GLTPD2: variants seen among roughly 807,000 people sequenced by gnomAD.
GLTPD2 encodes glycolipid transfer protein domain containing 2.
In GLTPD2, 12 loss-of-function variants were observed where a neutral mutation model predicts 12.9. That is an observed-to-expected ratio of 0.93 (90% confidence interval 0.59 to 1.50). The LOEUF (loss-of-function observed/expected upper bound fraction) is 1.50, where lower values mean the gene tolerates loss of function less well. Among genes scored for constraint, GLTPD2 ranks in the 40% most tolerant of loss-of-function variants. The pLI, the probability that GLTPD2 is intolerant of heterozygous loss-of-function variation, is 0.00. For missense variants in GLTPD2, 450 were observed against 426.2 expected (o/e 1.06, Z -0.49); for synonymous variants, 199 against 205.6 (o/e 0.97, Z 0.27).
Position 4,789,967 on chromosome 17 carries a change from C to G in GLTPD2, c.547C>G (p.Leu183Val). 2.6e-6 allele frequency: 4 copies of G among 1,533,370 alleles called. No individual in the cohort carries two copies. The highest frequency in any genetic ancestry group is 2.5e-5 in the East Asian group (1 of 40,360). The allele number at this position is 1,533,370 out of a possible 1,614,324, so 95.0% of individuals were successfully genotyped here. Residue 183 changes from leucine (L) to valine (V), a missense_variant, in exon 4 of 4, where the codon CTG (leucine) becomes GTG (valine). Leu to Val is a conservative substitution (Grantham distance 32, BLOSUM62 1). Transcript: ENST00000331264. ...GACCCGGAGCTCGGGCTCTCGCACG[C>G]TGCTCCTGCTGCACCGCGCGCTGCG... ...DPTRSSGSRT[L>V]LLLHRALRWS...
At position 4,789,286 on chromosome 17, in the gene GLTPD2, T is replaced by TC. The variant is rs1289570299; in HGVS notation, c.169dup (p.Gln57ProfsTer71). ...TGCGTTCCAGGGGAAACGGCGCCCT[T>TC]CCAGGTACGCTAGGCGCAGGATTGG... On this transcript the variant is annotated frameshift_variant, in exon 2 of 4. Coordinates refer to ENST00000331264, the MANE Select transcript of GLTPD2 (RefSeq NM_001014985.3). LOFTEE classifies it high-confidence loss of function. 1.3e-6 allele frequency: 2 copies of TC among 1,586,820 alleles called. No individual in the cohort carries two copies. Among genetic ancestry groups the TC allele is most frequent in the African/African-American group, 1.4e-5 (1 of 73,754 alleles).
intron 2 of GLTPD2, 88 bp downstream of exon 2, chr17:4,789,378 C>A: frequency 2.0e-6 from 3 of 1,507,848 alleles, no homozygotes; most frequent in Non-Finnish European, 2.7e-6. Context: ...CGGCAAAGGG[C>A]GGGTCCTCCC....
chr17:4,789,539 C>T lies in GLTPD2; in HGVS notation c.200C>T (p.Ala67Val). The change falls in exon 3 of 4, where the codon GCC becomes GTC. Residue 67 changes from alanine (A) to valine (V), a missense_variant. Physicochemically the swap from Ala to Val is moderately conservative, Grantham distance 64. Transcript: ENST00000331264. The stretch of plus-strand genomic sequence containing the variant: ...CGGCAGGAGTCGGGAACCCTGGAGG[C>T]CCCGGAGAGGAAACAGCCTCCGTGT... ...QVRQESGTLEAPERKQPPCLG... is the reference protein window; with the variant it reads ...QVRQESGTLEVPERKQPPCLG... The T allele has an allele frequency of 6.2e-7, 1 of 1,613,970 alleles. No homozygotes were observed. Among genetic ancestry groups the T allele is most frequent in the Non-Finnish European group, 8.5e-7 (1 of 1,179,890 alleles).
chr17:4,790,491 G>A lies in GLTPD2; in HGVS notation c.*195G>A. The stretch of plus-strand genomic sequence containing the variant: ...TGTCCGCAGTCTCGGAAAGACGGGA[G>A]GAGCTGTGAGGAATAAAAAAGCAAT... On this transcript the variant is annotated 3_prime_UTR_variant, in exon 4 of 4. Coordinates refer to ENST00000331264, the MANE Select transcript of GLTPD2 (RefSeq NM_001014985.3). 3 of 424,646 alleles carry A rather than the reference G, an allele frequency of 7.1e-6. No homozygotes were observed. Among genetic ancestry groups the A allele is most frequent in the African/African-American group, 4.1e-5 (2 of 48,402 alleles). The allele number at this position is 424,646 out of a possible 1,614,324, so 26.3% of individuals were successfully genotyped here.
chr17:4,789,406 G>T, intron 2 of GLTPD2, 105 bp from the exon 3 acceptor site: 1 of 1,514,426 alleles, frequency 6.6e-7, no homozygotes, highest in Non-Finnish European at 9.0e-7. Context: ...ACCCTCTCCC[G>T]TCGGAAGCTG....
chr17:4,789,390 C>G (rs991463768), intron 2 of GLTPD2, 100 bp downstream of exon 2: 46 of 1,501,456 alleles, frequency 3.1e-5, no homozygotes, highest in Non-Finnish European at 3.3e-5. Flanking sequence ...GGTCCTCCCC[C>G]GGTCTACCCT....
At position 4,790,111 on chromosome 17, in the gene GLTPD2, C is replaced by G. The variant is rs768985564; in HGVS notation, c.691C>G (p.Arg231Gly). Reference sequence around the variant, plus strand: ...GGGTCCGCATCACCCCTGGCTGGTCCGACAGACCGCCCGCCTCGCCTTCCT... The same window carrying G: ...GGGTCCGCATCACCCCTGGCTGGTCGGACAGACCGCCCGCCTCGCCTTCCT... ...ALGPHHPWLV[R>G]QTARLAFLAF... is the part of the protein sequence containing the mutation. Residue 231 changes from arginine (R) to glycine (G), a missense_variant, in exon 4 of 4, where the codon CGA (arginine) becomes GGA (glycine). Arg to Gly is a moderately radical substitution (Grantham distance 125). Transcript: ENST00000331264. The G allele has an allele frequency of 7.0e-7, 1 of 1,436,412 alleles. No individual in the cohort carries two copies. The highest frequency in any genetic ancestry group is 1.5e-5 in the African/African-American group (1 of 67,250). 89.0% of individuals were successfully genotyped at this position (1,436,412 alleles called of 1,614,324 possible).
intron 2 of GLTPD2, 97 bp downstream of exon 2, chr17:4,789,387 C>T: frequency 2.0e-6 from 3 of 1,499,356 alleles, no homozygotes; most frequent in South Asian, 1.2e-5. Flanking sequence ...GCGGGTCCTC[C>T]CCCGGTCTAC....
At position 4,789,262 on chromosome 17, in the gene GLTPD2, G is replaced by GCGTTCCAGGGGAAACGGCGC. The variant is rs1390392512; in HGVS notation, c.145_164dup (p.Val58GlyfsTer35). The GCGTTCCAGGGGAAACGGCGC allele has an allele frequency of 6.3e-7, 1 of 1,597,884 alleles. No homozygotes were observed. Among genetic ancestry groups the GCGTTCCAGGGGAAACGGCGC allele is most frequent in the African/African-American group, 1.3e-5 (1 of 74,174 alleles). On this transcript the variant is annotated frameshift_variant, in exon 2 of 4. Coordinates refer to ENST00000331264, the MANE Select transcript of GLTPD2 (RefSeq NM_001014985.3). LOFTEE classifies it high-confidence loss of function. ...GGCTGCGGACCCAGGGCGCAGCCCT[G>GCGTTCCAGGGGAAACGGCGC]CGTTCCAGGGGAAACGGCGCCCTTC...
At chr17:4,789,329 G>A (rs1917600001) in intron 2 of GLTPD2, 39 bp downstream of exon 2, 1 of 1,545,118 alleles carries the variant, frequency 6.5e-7, no homozygotes, top group Admixed American at 2.0e-5. Flanking sequence ...CGCTCCAGGA[G>A]GGACCAGAAC....
At position 4,789,065 on chromosome 17, in the gene GLTPD2, T is replaced by C; in HGVS notation, c.54T>C (p.Ile18=). The C allele has an allele frequency of 6.2e-7, 1 of 1,613,886 alleles. No homozygotes were observed. Among genetic ancestry groups the C allele is most frequent in the Non-Finnish European group, 8.5e-7 (1 of 1,179,886 alleles). ...TGCGGCACTGGTTCAGCCACTCAAT[T>C]CCTCTCGCTATCTTCGCGCTGCTGC... ...PALRHWFSHS[I]PLAIFALLLL... Residue 18 remains isoleucine, a synonymous_variant, in exon 1 of 4, where the codon ATT becomes ATC. Transcript: ENST00000331264.
In GLTPD2 at chr17:4,790,038, AGGCCCGGACGCGGGCGT is replaced by A; in HGVS notation, c.620_636del (p.Gly207AlafsTer134). ...ACCGGGTGGCGACCGGCGCGCTGGG[AGGCCCGGACGCGGGCGT>A]GCAGTGCAGCGACGCCTACCGTGCG... On this transcript the variant is annotated frameshift_variant, in exon 4 of 4. Coordinates refer to ENST00000331264, the MANE Select transcript of GLTPD2 (RefSeq NM_001014985.3). LOFTEE classifies it low-confidence loss of function (END_TRUNC). The A allele has an allele frequency of 7.0e-7, 1 of 1,436,132 alleles. No homozygotes were observed. The highest frequency in any genetic ancestry group is 1.5e-5 in the South Asian group (1 of 68,674). The allele number at this position is 1,436,132 out of a possible 1,614,324, so 89.0% of individuals were successfully genotyped here.
rs753201514 is a variant in GLTPD2, at chr17:4,789,793, G to A, written c.373G>A (p.Ala125Thr). 8 of 1,612,668 alleles carry A rather than the reference G, an allele frequency of 5.0e-6. No individual in the cohort carries two copies. In the South Asian group the frequency reaches 8.8e-5, roughly 18 times the overall value. The change falls in exon 4 of 4, where the codon GCC becomes ACC. Residue 125 changes from alanine to threonine, a missense_variant. By Grantham distance (58) the Ala-to-Thr change is moderately conservative. Coordinates refer to ENST00000331264, the MANE Select transcript of GLTPD2 (RefSeq NM_001014985.3). ...LTPLGSVFAF[A>T]TREAFTKVTD... ...TCCCCTCGGCTCCGTCTTCGCCTTCGCCACTAGGGAGGCCTTCACCAAGGT... is the reference window on the plus strand; with the variant it reads ...TCCCCTCGGCTCCGTCTTCGCCTTCACCACTAGGGAGGCCTTCACCAAGGT...
chr17:4,789,196 C>T, intron 1 of GLTPD2, 30 bp from the exon 2 acceptor site: 9 of 1,602,506 alleles, frequency 5.6e-6, no homozygotes, highest in Non-Finnish European at 7.7e-6. Context: ...CTTTCTCGAG[C>T]CCTCACCGCT....
Position 4,790,124 on chromosome 17 carries a change from G to T in GLTPD2, c.704G>T (p.Arg235Leu). ...CCCTGGCTGGTCCGACAGACCGCCC[G>T]CCTCGCCTTCCTCGCCTTCCCGGGT... ...HHPWLVRQTA[R>L]LAFLAFPGRR... Residue 235 changes from arginine (R) to leucine (L), a missense_variant, in exon 4 of 4, where the codon CGC (arginine) becomes CTC (leucine). Transcript: ENST00000331264. The T allele has an allele frequency of 2.8e-6, 4 of 1,450,330 alleles. No homozygotes were observed. In the South Asian group the frequency reaches 5.6e-5, roughly 20 times the overall value. 89.8% of individuals were successfully genotyped at this position (1,450,330 alleles called of 1,614,324 possible).
At position 4,789,954 on chromosome 17, in the gene GLTPD2, G is replaced by A. The variant is rs769868000; in HGVS notation, c.534G>A (p.Ser178=). 1 of 1,537,010 alleles carries A rather than the reference G, an allele frequency of 6.5e-7. No homozygotes were observed. Among genetic ancestry groups the A allele is most frequent in the African/African-American group, 1.4e-5 (1 of 72,632 alleles). Residue 178 remains serine (S), a synonymous_variant, in exon 4 of 4, where the codon TCG becomes TCA. Coordinates refer to ENST00000331264, the MANE Select transcript of GLTPD2 (RefSeq NM_001014985.3). ...CCCCCCGGGACCCGACCCGGAGCTC[G>A]GGCTCTCGCACGCTGCTCCTGCTGC... ...GAAPRDPTRS[S]GSRTLLLLHR...
At chr17:4,789,359 C>T (rs897921348) in intron 2 of GLTPD2, 69 bp downstream of exon 2, 1 of 1,523,516 alleles carries the variant, frequency 6.6e-7, no homozygotes. Flanking sequence ...TGGAGCCAGG[C>T]TGAGGGTCCG....
Position 4,790,360 on chromosome 17 carries a change from G to A in GLTPD2, c.*64G>A, listed in dbSNP as rs1917640468. The A allele has an allele frequency of 1.5e-6, 2 of 1,315,082 alleles. No individual in the cohort carries two copies. Among genetic ancestry groups the A allele is most frequent in the South Asian group, 1.8e-5 (1 of 55,842 alleles). The allele number at this position is 1,315,082 out of a possible 1,614,324, so 81.5% of individuals were successfully genotyped here. On this transcript the variant is annotated 3_prime_UTR_variant, in exon 4 of 4. Coordinates refer to ENST00000331264, the MANE Select transcript of GLTPD2 (RefSeq NM_001014985.3). ...GCCCGGGGTGGGGCCGCGCAGCCCG[G>A]GGTCAGTCCTGCAGCCCGCGCCGCG...
At position 4,790,375 on chromosome 17, in the gene GLTPD2, C is replaced by G. The variant is rs934244152; in HGVS notation, c.*79C>G. On this transcript the variant is annotated 3_prime_UTR_variant, in exon 4 of 4. Transcript: ENST00000331264. ...GCGCAGCCCGGGGTCAGTCCTGCAGCCCGCGCCGCGGCCGCCTCCGTATCC... is the reference window on the plus strand; with the variant it reads ...GCGCAGCCCGGGGTCAGTCCTGCAGGCCGCGCCGCGGCCGCCTCCGTATCC... The G allele has an allele frequency of 4.2e-6, 5 of 1,194,328 alleles. No homozygotes were observed. Among genetic ancestry groups the G allele is most frequent in the Non-Finnish European group, 5.4e-6 (5 of 932,132 alleles). The allele number at this position is 1,194,328 out of a possible 1,614,324, so 74.0% of individuals were successfully genotyped here.
Sources: gnomAD v4.1 joint callset for allele counts on GRCh38, gnomAD v4.1.1 for gene constraint, MANE v1.5 for transcripts, NCBI Gene and HGNC (gene_info 2026-07-23, HGNC 2026-07-21) for gene names.